TEX2: variants seen among roughly 807,000 people sequenced by gnomAD.
TEX2 encodes testis expressed 2, also known as testis-expressed protein 2.
Under a neutral mutation model 106.9 loss-of-function variants are expected in TEX2, and 53 were observed. That is an observed-to-expected ratio of 0.50 (90% CI 0.40 to 0.62). The LOEUF (loss-of-function observed/expected upper bound fraction) is 0.62, where lower values mean the gene tolerates loss of function less well. TEX2 is among the 20% of genes least tolerant of loss of function. The pLI is 0.00. For synonymous variants in TEX2, 523 were observed against 534.8 expected, an observed-to-expected ratio of 0.98 and a Z score of 0.30; for missense variants, 1,207 against 1,379.0, an observed-to-expected ratio of 0.88 and a Z score of 1.98.
Position 64,249,038 on chromosome 17 carries a change from G to A in TEX2, c.-26+14130C>T, listed in dbSNP as rs868948178. On this transcript the variant is annotated intron_variant, in intron 1 of 11. Transcript: ENST00000584379. ...CAACAGAACAAGACTTTGTCTCAAA[G>A]AAAAAAAAAAAAAGGAAAAAACATA... 7.1e-3 allele frequency among the ~76,000 whole-genome samples: 875 copies of A among 122,882 alleles called. 10 individuals are homozygous for A. Among genetic ancestry groups the A allele is most frequent in the African/African-American group, 0.022 (736 of 33,572 alleles). The allele number at this position is 122,882 out of a possible 152,430, so 80.6% of individuals were successfully genotyped here. A position where few individuals can be genotyped will look rare whatever the true frequency, so the allele number is the denominator to read the frequency against.
intron 1 of TEX2, among the ~76,000 whole-genome samples, chr17:64,242,778 T>C (rs1555635888): frequency 6.6e-6 from 1 of 152,172 alleles, no homozygotes; most frequent in African/African-American, 2.4e-5. Flanking sequence ...CAATGCCTCC[T>C]TCATAACTAA....
At chr17:64,216,642 G>C (rs1260858315) in intron 1 of TEX2, among the ~76,000 whole-genome samples, 1 of 152,236 alleles carries the variant, frequency 6.6e-6, no homozygotes, top group Non-Finnish European at 1.5e-5. Flanking sequence ...TAGCGCCAAA[G>C]GGTGAAAACA....
chr17:64,189,302 A>G (rs1195762330), intron 4 of TEX2, among the ~76,000 whole-genome samples: 1 of 152,220 alleles, frequency 6.6e-6, no homozygotes, highest in Non-Finnish European at 1.5e-5. Flanking sequence ...CCTCTGCCCA[A>G]GAGACTGGAG....
intron 5 of TEX2, among the ~76,000 whole-genome samples, chr17:64,178,747 T>C (rs576725446): frequency 1.3e-5 from 2 of 152,352 alleles, no homozygotes; most frequent in Non-Finnish European, 2.9e-5. Flanking sequence ...TAAGTGCATC[T>C]GTTCTGCCCT....
In TEX2 at chr17:64,194,921, T is replaced by C; in HGVS notation, c.1819A>G (p.Lys607Glu). The C allele has an allele frequency of 6.2e-7, 1 of 1,614,196 alleles. No individual in the cohort carries two copies. The highest frequency in any genetic ancestry group is 2.2e-5 in the East Asian group (1 of 44,888). ...TTGCTGTCTGAGAGGTCATAGATTTTCTGGCTGATGTAGGTGACCTCTGGC... is the reference window on the plus strand; with the variant it reads ...TTGCTGTCTGAGAGGTCATAGATTTCCTGGCTGATGTAGGTGACCTCTGGC... The part of the protein sequence containing the change: ...PKPEVTYISQ[K>E]IYDLSDSKIY... The change falls in exon 3 of 12, where the codon AAA becomes GAA. Residue 607 changes from lysine (K) to glutamate (E), a missense_variant. Lys to Glu is a moderately conservative substitution (Grantham distance 56). Transcript: ENST00000584379.
rs374723154 is a variant in TEX2 at position 64,158,888 on chromosome 17, A to C, written c.2804+1913T>G. ...TTAAAAACAAATGATAGCCAACTACACATCAACATATAATTTAACACCCTC... is the reference window on the plus strand; with the variant it reads ...TTAAAAACAAATGATAGCCAACTACCCATCAACATATAATTTAACACCCTC... On this transcript the variant is annotated intron_variant, in intron 8 of 11. Coordinates refer to ENST00000584379, the MANE Select transcript of TEX2 (RefSeq NM_001288732.2). 9.5e-4 allele frequency among the ~76,000 whole-genome samples: 145 copies of C among 152,360 alleles called. 6 individuals carry two copies. In the South Asian group the frequency reaches 0.029, roughly 30 times the overall value.
chr17:64,179,548 A>T (rs6504207), intron 5 of TEX2, among the ~76,000 whole-genome samples: 3 of 152,158 alleles, frequency 2.0e-5, no homozygotes, highest in Non-Finnish European at 4.4e-5. Context: ...AACACTCACC[A>T]TGAAGGTCCG....
At chr17:64,156,397 C>T (rs2143628945) in intron 8 of TEX2, among the ~76,000 whole-genome samples, 1 of 152,178 alleles carries the variant, frequency 6.6e-6, no homozygotes, top group East Asian at 1.9e-4. Context: ...GGGAAACTCC[C>T]TCTGCAGAAA....
At chr17:64,240,684 GTGTC>G (rs1483985646) in intron 1 of TEX2, among the ~76,000 whole-genome samples, 2 of 152,206 alleles carry the variant, frequency 1.3e-5, no homozygotes, top group African/African-American at 4.8e-5. Context: ...CCTGGCATAA[GTGTC>G]TGTCTCCTTG....
intron 1 of TEX2, among the ~76,000 whole-genome samples, chr17:64,233,575 A>C (rs2033704100): frequency 6.6e-6 from 1 of 152,194 alleles, no homozygotes; most frequent in Non-Finnish European, 1.5e-5. Flanking sequence ...TCCATCTCAA[A>C]AAACAAACAA....
At position 64,153,065 on chromosome 17, in the gene TEX2, T is replaced by C. The variant is rs1186278873; in HGVS notation, c.3020A>G (p.Glu1007Gly). The C allele has an allele frequency of 8.1e-6, 13 of 1,613,996 alleles. No individual in the cohort carries two copies. The highest frequency in any genetic ancestry group is 1.1e-5 in the Non-Finnish European group (13 of 1,179,952). Residue 1007 changes from glutamate to glycine, a missense_variant, in exon 10 of 12, where the codon GAG becomes GGG. Glu to Gly is a moderately conservative substitution (Grantham distance 98, BLOSUM62 -2). Coordinates refer to ENST00000584379, the MANE Select transcript of TEX2 (RefSeq NM_001288732.2). The surrounding 1 kb of genome is among the most constrained non-coding windows in gnomAD (Gnocchi z 4.1). The part of the protein sequence containing the change: ...SKYFQKATET[E>G]FIKKKIEEVS... Reference sequence around the variant, plus strand: ...TTCTTCGATCTTCTTTTTAATAAACTCTGTCTCTGTTGCTTTTTGGAAATA... The same window carrying C: ...TTCTTCGATCTTCTTTTTAATAAACCCTGTCTCTGTTGCTTTTTGGAAATA...
chr17:64,225,599 A>C (rs2033482539), intron 1 of TEX2, among the ~76,000 whole-genome samples: 1 of 152,238 alleles, frequency 6.6e-6, no homozygotes, highest in Admixed American at 6.5e-5. Flanking sequence ...ATTTTTCTTC[A>C]GAGGAATGAA....
chr17:64,227,496 T>C (rs1360136312), intron 1 of TEX2, among the ~76,000 whole-genome samples: 1 of 152,222 alleles, frequency 6.6e-6, no homozygotes, highest in African/African-American at 2.4e-5. Flanking sequence ...AAAAAAATTA[T>C]ATGTAAACAC....
intron 2 of TEX2, among the ~76,000 whole-genome samples, chr17:64,198,013 A>AT (rs1351473693): frequency 6.6e-6 from 1 of 152,080 alleles, no homozygotes; most frequent in Non-Finnish European, 1.5e-5. Context: ...GTTTAGAAGT[A>AT]TTTTGCTTAA....
intron 1 of TEX2, among the ~76,000 whole-genome samples, chr17:64,259,554 T>C (rs1555638254): frequency 6.6e-6 from 1 of 152,212 alleles, no homozygotes; most frequent in African/African-American, 2.4e-5. Flanking sequence ...AGTTAATGTT[T>C]CTCACAGGGA....
intron 8 of TEX2, among the ~76,000 whole-genome samples, 156 bp downstream of exon 8, chr17:64,160,645 G>A (rs1293178758): frequency 1.3e-5 from 2 of 152,132 alleles, no homozygotes; most frequent in African/African-American, 4.8e-5. Context: ...GATGAGACTA[G>A]GAAACCATTC....
At chr17:64,162,956 T>G (rs927403082) in intron 7 of TEX2, among the ~76,000 whole-genome samples, 7 of 152,184 alleles carry the variant, frequency 4.6e-5, no homozygotes, top group Non-Finnish European at 1.0e-4. Flanking sequence ...GAGGCTGTAC[T>G]GGTCAGCCAT....
At chr17:64,193,479 C>T in intron 4 of TEX2, 80 bp downstream of exon 4, 1 of 1,234,956 alleles carries the variant, frequency 8.1e-7, no homozygotes, top group South Asian at 2.3e-5. Flanking sequence ...TTCCTTCCTT[C>T]CTTCCTACCT....
At chr17:64,155,343 A>C (rs142497633) in intron 8 of TEX2, 87 of 170,924 alleles carry the variant, frequency 5.1e-4, no homozygotes, top group African/African-American at 2.0e-3. Context: ...GAAAGAGCGG[A>C]TGGTTGCAAG....
Sources: gnomAD v4.1 joint callset for allele counts (sites outside exome capture counted in the v4.1 genomes callset) on GRCh38, gnomAD v4.1.1 for gene constraint, Gnocchi (gnomAD v3.1) non-coding constraint, MANE v1.5 for transcripts, NCBI Gene and HGNC (gene_info 2026-07-23, HGNC 2026-07-21) for gene names.